Variants in ZFYVE9 observed in about 807,000 individuals in gnomAD.
ZFYVE9 encodes zinc finger FYVE domain-containing protein 9.
In ZFYVE9, 43 loss-of-function variants were observed where a neutral mutation model predicts 126.7. The ratio of observed to expected loss-of-function variants is 0.34; its 90% CI spans 0.27 to 0.44. The LOEUF (loss-of-function observed/expected upper bound fraction) is 0.44, where lower values mean the gene tolerates loss of function less well. Among genes scored for constraint, ZFYVE9 ranks in the 20% least tolerant of loss-of-function variants. The probability of loss-of-function intolerance (pLI) is 1.00; values close to 1 mark genes in which losing one functional copy is unlikely to be tolerated. For missense variants in ZFYVE9, 1,476 were observed against 1,697.0 expected (o/e 0.87, Z 2.29); for synonymous variants, 521 against 597.4 (o/e 0.87, Z 1.87).
At chr1:52,315,949 T>C (rs1646179414) in intron 13 of ZFYVE9, among the ~76,000 whole-genome samples, 1 of 151,816 alleles carries the variant, frequency 6.6e-6, no homozygotes, top group African/African-American at 2.4e-5. Flanking sequence ...GCAGATCACT[T>C]GAGGTCAGGA....
At chr1:52,287,103 A>G (rs1033731197) in intron 10 of ZFYVE9, among the ~76,000 whole-genome samples, 2 of 151,908 alleles carry the variant, frequency 1.3e-5, no homozygotes, top group African/African-American at 4.8e-5. Flanking sequence ...TAATTTATTT[A>G]TTTTGAGGCA....
At chr1:52,254,807 A>G (rs1356325088) in intron 4 of ZFYVE9, among the ~76,000 whole-genome samples, 1 of 152,124 alleles carries the variant, frequency 6.6e-6, no homozygotes, top group South Asian at 2.1e-4. Context: ...TCTCTACTAA[A>G]AATTAAAAAA....
intron 4 of ZFYVE9, among the ~76,000 whole-genome samples, chr1:52,261,342 A>G (rs1342324063): frequency 1.3e-5 from 2 of 150,274 alleles, no homozygotes; most frequent in Non-Finnish European, 2.9e-5. Flanking sequence ...GCTTCAAGCC[A>G]TCTTCCTGCC....
At chr1:52,168,179 AT>A (rs1644530093) in intron 1 of ZFYVE9, among the ~76,000 whole-genome samples, 1 of 149,794 alleles carries the variant, frequency 6.7e-6, no homozygotes, top group African/African-American at 2.5e-5. Flanking sequence ...TGTGTTACAG[AT>A]TAGATTCCTC....
At chr1:52,241,026 A>T (rs535223767) in intron 4 of ZFYVE9, among the ~76,000 whole-genome samples, 4 of 152,162 alleles carry the variant, frequency 2.6e-5, no homozygotes, top group Non-Finnish European at 4.4e-5. Context: ...ATAAAATCAT[A>T]CTATATTTGG....
At chr1:52,146,027 C>CACA (rs150268323) in intron 1 of ZFYVE9, among the ~76,000 whole-genome samples, 3 of 146,182 alleles carry the variant, frequency 2.1e-5, no homozygotes, top group Non-Finnish European at 3.0e-5. Flanking sequence ...TCAAAAATAT[C>CACA]CACACACACA....
At chr1:52,264,384 T>C (rs1388640609) in intron 5 of ZFYVE9, among the ~76,000 whole-genome samples, 4 of 152,230 alleles carry the variant, frequency 2.6e-5, no homozygotes, top group Non-Finnish European at 4.4e-5. Context: ...CATTTATCTC[T>C]TTAATGCTAC....
intron 4 of ZFYVE9, among the ~76,000 whole-genome samples, chr1:52,244,100 A>G (rs1444718162): frequency 2.0e-5 from 3 of 152,234 alleles, no homozygotes; most frequent in Non-Finnish European, 4.4e-5. Context: ...GGGTCATTGA[A>G]AAAAGCTGAT....
chr1:52,228,641 C>T (rs1645191239), intron 2 of ZFYVE9, among the ~76,000 whole-genome samples: 1 of 152,206 alleles, frequency 6.6e-6, no homozygotes. Flanking sequence ...CAGCAGGCAT[C>T]TCCTAAGAGA....
intron 4 of ZFYVE9, among the ~76,000 whole-genome samples, chr1:52,260,271 G>A (rs1379592941): frequency 7.0e-6 from 1 of 142,118 alleles, no homozygotes; most frequent in African/African-American, 3.1e-5. Flanking sequence ...ATTTTGTCAT[G>A]TGTGGTATTT....
At chr1:52,188,401 A>G (rs957227128) in intron 1 of ZFYVE9, among the ~76,000 whole-genome samples, 2 of 152,210 alleles carry the variant, frequency 1.3e-5, no homozygotes, top group Non-Finnish European at 2.9e-5. Context: ...GGGTGACAAA[A>G]TAATTTGTAC....
intron 13 of ZFYVE9, among the ~76,000 whole-genome samples, chr1:52,316,861 A>G (rs994711398): frequency 3.9e-5 from 6 of 152,246 alleles, no homozygotes; most frequent in African/African-American, 1.2e-4. Context: ...TTTTTATAAA[A>G]TGTTCCGCAC....
At chr1:52,143,338 T>A (rs1402607099) in intron 1 of ZFYVE9, among the ~76,000 whole-genome samples, 1 of 152,236 alleles carries the variant, frequency 6.6e-6, no homozygotes, top group Non-Finnish European at 1.5e-5. Flanking sequence ...TTGAAAATGC[T>A]ACTGATTACA....
intron 1 of ZFYVE9, chr1:52,162,837 G>T: frequency 2.5e-6 from 1 of 404,528 alleles, no homozygotes. Flanking sequence ...GTGTAACGTC[G>T]ATGAGAATGC....
chr1:52,277,720 A>AT (rs2147812774), intron 8 of ZFYVE9, among the ~76,000 whole-genome samples: 1 of 152,338 alleles, frequency 6.6e-6, no homozygotes, highest in East Asian at 1.9e-4. Context: ...TTCCTTTCCC[A>AT]TATCTCTAGG....
chr1:52,180,200 A>G, intron 1 of ZFYVE9: 1 of 1,574,792 alleles, frequency 6.4e-7, no homozygotes, highest in Non-Finnish European at 8.7e-7. Context: ...TTTACAAACA[A>G]GGAATTCCCC....
chr1:52,284,152 CT>C (rs779268499), intron 10 of ZFYVE9, among the ~76,000 whole-genome samples: 2 of 152,090 alleles, frequency 1.3e-5, no homozygotes, highest in Non-Finnish European at 2.9e-5. Flanking sequence ...TAAGGGAATT[CT>C]TTGTTCAGTG....
rs373848243 is a variant in ZFYVE9 at position 52,249,026 on chromosome 1, G to C, written c.2178+9431G>C. Among the ~76,000 whole-genome samples, 23 of 152,308 alleles carry C rather than the reference G, an allele frequency of 1.5e-4. No individual in the cohort carries two copies. In the East Asian group the frequency reaches 2.1e-3, roughly 14 times the overall value. ...AATAGTGGGGGCAGATTTCCCCCTT[G>C]CTGTTCTCATAATAGTGAGTTCTCA... On this transcript the variant is annotated intron_variant, in intron 4 of 18. Transcript: ENST00000287727.
chr1:52,162,936 TTTTACACAA>T, intron 1 of ZFYVE9: 1 of 504,242 alleles, frequency 2.0e-6, no homozygotes, highest in East Asian at 4.4e-5. Flanking sequence ...ATCTCTCCAA[TTTTACACAA>T]GCAGGAGTTC....
Sources: allele counts gnomAD v4.1 joint callset (sites outside exome capture counted in the v4.1 genomes callset), GRCh38; gene constraint gnomAD v4.1.1; transcripts MANE v1.5; gene names NCBI Gene and HGNC (gene_info 2026-07-23, HGNC 2026-07-21).